MACF1: variants seen among roughly 807,000 people sequenced by gnomAD.
MACF1 encodes microtubule-actin cross-linking factor 1.
MACF1 carries 193 observed loss-of-function variants against 854.8 expected under a neutral mutation model. That is an observed-to-expected ratio of 0.23 (90% CI 0.20 to 0.25). The LOEUF is 0.25. MACF1 is among the 10% of genes least tolerant of loss of function. MACF1 has a pLI of 1.00. For synonymous variants in MACF1, 3,185 were observed against 3,226.7 expected (o/e 0.99, Z 0.44); for missense variants, 7,722 against 8,929.1 (o/e 0.86, Z 5.45).
intron 23 of MACF1, among the ~76,000 whole-genome samples, chr1:39,307,366 G>A (rs1031105957): frequency 6.6e-6 from 1 of 150,518 alleles, no homozygotes; most frequent in Non-Finnish European, 1.5e-5. Context: ...ATTGTTTATC[G>A]TTCACCACTA....
chr1:39,377,967 G>A (rs1166945491), intron 52 of MACF1, among the ~76,000 whole-genome samples: 2 of 151,316 alleles, frequency 1.3e-5, no homozygotes, highest in African/African-American at 4.9e-5. Context: ...TCATGCCACC[G>A]CACTTCAGTC....
chr1:39,337,981 A>G (rs1056445832), intron 38 of MACF1, among the ~76,000 whole-genome samples: 10 of 151,992 alleles, frequency 6.6e-5, no homozygotes, highest in African/African-American at 2.4e-4. Flanking sequence ...GTGTTAGCCA[A>G]GATGGTCTTG....
intron 6 of MACF1, among the ~76,000 whole-genome samples, chr1:39,277,219 C>T (rs1487490197): frequency 1.3e-5 from 2 of 150,456 alleles, no homozygotes; most frequent in Non-Finnish European, 2.9e-5. Flanking sequence ...ATGAAATACC[C>T]AGAGACAATG....
chr1:39,465,130 A>G lies in MACF1; in HGVS notation c.21771+18A>G, dbSNP rs369116456. ...GCAATCAGGTACAGTGTGCCTTGCAATGTTCTCCTTCTCAATGGATATGGT... is the reference window on the plus strand; with the variant it reads ...GCAATCAGGTACAGTGTGCCTTGCAGTGTTCTCCTTCTCAATGGATATGGT... On this transcript the variant is annotated intron_variant, in intron 95 of 100. Transcript: ENST00000564288. 1.7e-4 allele frequency: 273 copies of G among 1,610,526 alleles called. No homozygotes were observed. Among genetic ancestry groups the G allele is most frequent in the Non-Finnish European group, 1.9e-4 (229 of 1,177,066 alleles).
chr1:39,167,087 G>A (rs1040783548), intron 2 of MACF1, among the ~76,000 whole-genome samples: 9 of 151,812 alleles, frequency 5.9e-5, no homozygotes, highest in Admixed American at 2.6e-4. Flanking sequence ...TCAGCCTCCC[G>A]AGTAGCTGGG....
chr1:39,278,658 T>C (rs1344595576), intron 6 of MACF1, among the ~76,000 whole-genome samples: 2 of 152,230 alleles, frequency 1.3e-5, no homozygotes. Context: ...CTTTAATATG[T>C]ACGTGAAGCA....
At chr1:39,314,237 C>T (rs1273935692) in intron 26 of MACF1, among the ~76,000 whole-genome samples, 6 of 151,992 alleles carry the variant, frequency 3.9e-5, no homozygotes, top group African/African-American at 1.4e-4. Flanking sequence ...GGTAAAACCT[C>T]GTCTCTACTA....
intron 2 of MACF1, among the ~76,000 whole-genome samples, chr1:39,235,233 C>G (rs999616856): frequency 6.6e-6 from 1 of 152,250 alleles, no homozygotes; most frequent in East Asian, 1.9e-4. Flanking sequence ...ACTGAGTGAA[C>G]GAGACTCCGT....
rs1295794876 is a variant in MACF1 at position 39,461,977 on chromosome 1, T to C, written c.21618T>C (p.Ala7206=). The C allele has an allele frequency of 6.2e-7, 1 of 1,614,038 alleles. No homozygotes were observed. The highest frequency in any genetic ancestry group is 1.1e-5 in the South Asian group (1 of 91,062). The change falls in exon 93 of 101, where the codon GCT becomes GCC. Residue 7206 remains alanine (A), a synonymous_variant. Transcript: ENST00000564288. ...GYIDYYEFVA[A]LHPNKDAYRP... is the part of the protein sequence containing the mutation. Reference sequence around the variant, plus strand: ...TTGATTATTATGAATTTGTGGCTGCTCTTCATCCCAACAAGGATGCGTATC... The same window carrying C: ...TTGATTATTATGAATTTGTGGCTGCCCTTCATCCCAACAAGGATGCGTATC...
In MACF1 at chr1:39,481,023, C is replaced by T. The variant is rs1348327951; in HGVS notation, c.22274C>T (p.Thr7425Ile). 1 of 1,548,222 alleles carries T rather than the reference C, an allele frequency of 6.5e-7. No homozygotes were observed. The highest frequency in any genetic ancestry group is 1.2e-5 in the South Asian group (1 of 83,992). ...CATTCTCCTGACCTCCAGCTGCCCACCCCCGAGGTAGAGTATGGCTTTGCT... is the reference window on the plus strand; with the variant it reads ...CATTCTCCTGACCTCCAGCTGCCCATCCCCGAGGTAGAGTATGGCTTTGCT... ...DSHSPDLQLP[T>I]PEVIPSSGSK... is the part of the protein sequence containing the mutation. The change falls in exon 99 of 101, where the codon ACC (threonine) becomes ATC (isoleucine). Residue 7425 changes from threonine to isoleucine, a missense_variant. Transcript: ENST00000564288.
chr1:39,304,097 G>A (rs1646114382), intron 23 of MACF1, among the ~76,000 whole-genome samples: 2 of 149,142 alleles, frequency 1.3e-5, no homozygotes, highest in African/African-American at 5.0e-5. Flanking sequence ...GTATACATGT[G>A]CCATGTTGGT....
At chr1:39,410,644 A>G (rs777838719) in intron 58 of MACF1, 26 of 1,614,004 alleles carry the variant, frequency 1.6e-5, no homozygotes, top group Non-Finnish European at 2.1e-5. Flanking sequence ...ACGCAAAGAC[A>G]ATGTTAACAG....
At chr1:39,463,530 T>G in intron 93 of MACF1, 82 bp from the exon 94 acceptor site, 1 of 930,646 alleles carries the variant, frequency 1.1e-6, no homozygotes, top group Non-Finnish European at 1.7e-6. Context: ...AGCCTCCCTG[T>G]TAATGTATAA....
intron 2 of MACF1, among the ~76,000 whole-genome samples, chr1:39,126,589 A>T (rs1418637484): frequency 1.3e-5 from 2 of 152,152 alleles, no homozygotes; most frequent in Non-Finnish European, 2.9e-5. Context: ...GTTCGAGACC[A>T]GCCTGGCCAA....
In MACF1 at chr1:39,412,572, A is replaced by T. The variant is rs759691112; in HGVS notation, c.15817-9802A>T. The stretch of plus-strand genomic sequence containing the variant: ...TGAGTCTGCACCTGCTGGTTGAAGA[A>T]CTGAGACTTAATCCAGATGGAGTGG... On this transcript the variant is annotated intron_variant, in intron 58 of 100. Transcript: ENST00000564288. 6 of 1,614,044 alleles carry T rather than the reference A, an allele frequency of 3.7e-6. No individual in the cohort carries two copies. The Admixed American group carries it at 6.7e-5, about 18-fold the overall frequency.
intron 2 of MACF1, among the ~76,000 whole-genome samples, chr1:39,192,492 C>T (rs1644267330): frequency 6.6e-6 from 1 of 152,150 alleles, no homozygotes; most frequent in African/African-American, 2.4e-5. Context: ...TAATGTTTCC[C>T]ATAAAAGGAA....
chr1:39,239,085 A>T (rs981734166), intron 2 of MACF1, among the ~76,000 whole-genome samples: 1 of 152,180 alleles, frequency 6.6e-6, no homozygotes, highest in Non-Finnish European at 1.5e-5. Context: ...GTTCGAGACC[A>T]GCCAGGCCAA....
chr1:39,153,113 A>G (rs550797096), intron 2 of MACF1, among the ~76,000 whole-genome samples: 1 of 152,264 alleles, frequency 6.6e-6, no homozygotes, highest in South Asian at 2.1e-4. Flanking sequence ...CCTCTGTTAC[A>G]CCTGACTGTT....
chr1:39,445,709 C>T (rs904899860), intron 80 of MACF1, among the ~76,000 whole-genome samples: 3 of 152,174 alleles, frequency 2.0e-5, no homozygotes, highest in African/African-American at 7.2e-5. Context: ...CCTGTAATTC[C>T]AGCACTTGGG....
Sources: allele counts gnomAD v4.1 joint callset (sites outside exome capture counted in the v4.1 genomes callset), GRCh38; gene constraint gnomAD v4.1.1; transcripts MANE v1.5; gene names NCBI Gene and HGNC (gene_info 2026-07-23, HGNC 2026-07-21).